Variants in AGBL4 observed in about 807,000 individuals in gnomAD.
AGBL4 encodes cytosolic carboxypeptidase 6.
Under a neutral mutation model 66.4 loss-of-function variants are expected in AGBL4, and 58 were observed. The observed-to-expected ratio is 0.87, with a 90% CI of 0.71 to 1.09. The LOEUF (loss-of-function observed/expected upper bound fraction) is 1.09, where lower values mean the gene tolerates loss of function less well. AGBL4 is among the 50% of genes least tolerant of loss of function. The probability of loss-of-function intolerance (pLI) is 0.00; values close to 1 mark genes in which losing one functional copy is unlikely to be tolerated. For synonymous variants in AGBL4, 234 were observed against 222.9 expected, an observed-to-expected ratio of 1.05 and a Z score of -0.44; for missense variants, 579 against 631.0, an observed-to-expected ratio of 0.92 and a Z score of 0.88.
intron 5 of AGBL4, among the ~76,000 whole-genome samples, chr1:48,961,832 T>C (rs1207220453): frequency 6.6e-6 from 1 of 152,144 alleles, no homozygotes; most frequent in Non-Finnish European, 1.5e-5. Flanking sequence ...ACAGCCTACT[T>C]CACCTAAGAT....
At chr1:48,924,749 G>C (rs1654387670) in intron 5 of AGBL4, among the ~76,000 whole-genome samples, 1 of 151,994 alleles carries the variant, frequency 6.6e-6, no homozygotes, top group Non-Finnish European at 1.5e-5. Context: ...TCGTGTATGA[G>C]GTCATGTGTC....
At chr1:48,637,341 G>A (rs1373025230) in intron 8 of AGBL4, among the ~76,000 whole-genome samples, 1 of 152,174 alleles carries the variant, frequency 6.6e-6, no homozygotes, top group African/African-American at 2.4e-5. Context: ...TCCATGCTCT[G>A]TTCCCTCCCA....
chr1:48,671,901 G>T (rs912870125), intron 6 of AGBL4, among the ~76,000 whole-genome samples: 3 of 152,172 alleles, frequency 2.0e-5, no homozygotes, highest in Non-Finnish European at 4.4e-5. Flanking sequence ...CCCAATGTGC[G>T]CTCTGCTTTT....
chr1:49,074,442 T>C (rs1644672348), intron 4 of AGBL4, among the ~76,000 whole-genome samples: 1 of 152,088 alleles, frequency 6.6e-6, no homozygotes, highest in Non-Finnish European at 1.5e-5. Context: ...GGTACCTCAG[T>C]TGGAAATGCA....
intron 6 of AGBL4, among the ~76,000 whole-genome samples, chr1:48,731,818 T>C (rs760019550): frequency 2.0e-4 from 30 of 152,208 alleles, no homozygotes; most frequent in Admixed American, 8.5e-4. Context: ...GGTGCTTCTA[T>C]GGCATGTTTA....
At chr1:50,012,165 C>CAAAAA (rs34501869) in intron 1 of AGBL4, among the ~76,000 whole-genome samples, 6 of 47,746 alleles carry the variant, frequency 1.3e-4, no homozygotes, top group South Asian at 6.9e-4. Flanking sequence ...GACTCCGTCT[C>CAAAAA]AAAAAAAAAA....
intron 3 of AGBL4, among the ~76,000 whole-genome samples, chr1:49,651,507 T>G (rs1646004087): frequency 6.6e-6 from 1 of 152,104 alleles, no homozygotes; most frequent in African/African-American, 2.4e-5. Flanking sequence ...TTTCCAATCT[T>G]GCAGAAGATT....
chr1:48,897,545 G>A (rs1432688291), intron 5 of AGBL4, among the ~76,000 whole-genome samples: 1 of 152,084 alleles, frequency 6.6e-6, no homozygotes, highest in Non-Finnish European at 1.5e-5. Flanking sequence ...GTTTTTTGAA[G>A]AACCTCCATA....
chr1:48,818,018 C>T (rs553085872), intron 6 of AGBL4: 1 of 711,186 alleles, frequency 1.4e-6, no homozygotes, highest in Non-Finnish European at 2.6e-6. Flanking sequence ...TTACCGGAAA[C>T]ATTCCCGAGA....
At chr1:49,932,972 G>A (rs142352230) in intron 1 of AGBL4, among the ~76,000 whole-genome samples, 346 of 152,200 alleles carry the variant, frequency 2.3e-3, no homozygotes, top group African/African-American at 7.9e-3. Context: ...CAAAGAAGAC[G>A]AGAGACCAAA....
At chr1:49,008,746 T>C (rs1369871067) in intron 5 of AGBL4, among the ~76,000 whole-genome samples, 1 of 140,914 alleles carries the variant, frequency 7.1e-6, no homozygotes, top group Non-Finnish European at 1.5e-5. Flanking sequence ...CTCAACTACA[T>C]GGAAACTGAA....
At chr1:49,756,809 G>A (rs1400016541) in intron 2 of AGBL4, among the ~76,000 whole-genome samples, 3 of 151,962 alleles carry the variant, frequency 2.0e-5, no homozygotes, top group Non-Finnish European at 4.4e-5. Context: ...ATGATTGTAA[G>A]TTTCCTGAGG....
intron 5 of AGBL4, among the ~76,000 whole-genome samples, chr1:48,968,412 G>A (rs1025506488): frequency 1.1e-4 from 16 of 152,128 alleles, no homozygotes; most frequent in African/African-American, 3.1e-4. Flanking sequence ...GTTTCTGTGT[G>A]GGGCATAGAC....
Position 48,792,571 on chromosome 1 carries a change from T to C in AGBL4, c.634+74620A>G, listed in dbSNP as rs553676506. ...GAGCCTCGATATTCATGGAGGTATG[T>C]GTAAGTAGAAGTAGTTTGTCCAAGA... On this transcript the variant is annotated intron_variant, in intron 6 of 13. Transcript: ENST00000371839. 1.8e-3 allele frequency among the ~76,000 whole-genome samples: 271 copies of C among 152,238 alleles called. 1 individual carries two copies. The highest frequency in any genetic ancestry group is 6.3e-3 in the African/African-American group (260 of 41,538).
chr1:48,968,800 T>C (rs1002296542), intron 5 of AGBL4, among the ~76,000 whole-genome samples: 10 of 152,088 alleles, frequency 6.6e-5, no homozygotes, highest in Admixed American at 1.3e-4. Context: ...TGCAACACCA[T>C]CTTCCTGATG....
intron 1 of AGBL4, among the ~76,000 whole-genome samples, chr1:49,992,479 A>G (rs927123584): frequency 6.6e-6 from 1 of 151,246 alleles, no homozygotes; most frequent in Non-Finnish European, 1.5e-5. Context: ...TTAGTTCCCT[A>G]TGTATCTGGG....
intron 5 of AGBL4, among the ~76,000 whole-genome samples, chr1:48,949,623 G>T (rs1282351101): frequency 6.6e-6 from 1 of 152,160 alleles, no homozygotes; most frequent in Non-Finnish European, 1.5e-5. Context: ...GCCAGCTTAG[G>T]GGAGTGCCAG....
chr1:48,577,036 C>G (rs188235199), intron 11 of AGBL4, among the ~76,000 whole-genome samples: 81 of 152,278 alleles, frequency 5.3e-4, no homozygotes, highest in Non-Finnish European at 1.0e-3. Flanking sequence ...TCCAATTAAG[C>G]CCCCCTCAAA....
intron 5 of AGBL4, among the ~76,000 whole-genome samples, chr1:49,009,873 A>C (rs1415680517): frequency 6.6e-6 from 1 of 152,044 alleles, no homozygotes; most frequent in African/African-American, 2.4e-5. Flanking sequence ...TTGATGGGAC[A>C]TATCTCAAAA....
Sources: gnomAD v4.1 joint callset for allele counts (sites outside exome capture counted in the v4.1 genomes callset) on GRCh38, gnomAD v4.1.1 for gene constraint, MANE v1.5 for transcripts, NCBI Gene and HGNC (gene_info 2026-07-23, HGNC 2026-07-21) for gene names.